Variants in PPM1L observed in about 807,000 individuals in gnomAD.
The protein encoded by PPM1L is protein phosphatase, Mg2+/Mn2+ dependent 1L.
PPM1L carries 13 observed loss-of-function variants against 31.4 expected under a neutral mutation model. The ratio of observed to expected loss-of-function variants is 0.41; its 90% CI spans 0.27 to 0.66. PPM1L has a LOEUF of 0.66. Ranked by LOEUF, PPM1L falls within the 30% of genes least tolerant of loss-of-function variation. The pLI is 0.29. For missense variants in PPM1L, 326 were observed against 453.7 expected (o/e 0.72, Z 2.56); for synonymous variants, 184 against 175.4 (o/e 1.05, Z -0.39).
intron 1 of PPM1L, among the ~76,000 whole-genome samples, chr3:160,896,873 T>A (rs1302384905): frequency 6.6e-6 from 1 of 152,144 alleles, no homozygotes. Context: ...TCAGATGGTT[T>A]AATGGCCAAG....
At chr3:160,941,970 G>A (rs1385511114) in intron 1 of PPM1L, among the ~76,000 whole-genome samples, 1 of 152,188 alleles carries the variant, frequency 6.6e-6, no homozygotes, top group Non-Finnish European at 1.5e-5. Context: ...GCTTTTCATA[G>A]CTGTGAATTT....
chr3:160,940,492 C>G (rs1379516987), intron 1 of PPM1L, among the ~76,000 whole-genome samples: 2 of 152,140 alleles, frequency 1.3e-5, no homozygotes, highest in African/African-American at 4.8e-5. Flanking sequence ...CTGTGTGCAG[C>G]CTAGGGACTT....
intron 1 of PPM1L, among the ~76,000 whole-genome samples, chr3:160,836,948 C>G (rs1195205871): frequency 6.6e-6 from 1 of 152,164 alleles, no homozygotes; most frequent in Non-Finnish European, 1.5e-5. Flanking sequence ...GCACAAATGC[C>G]TATTTCATCT....
chr3:160,855,046 A>G (rs996866071), intron 1 of PPM1L, among the ~76,000 whole-genome samples: 2 of 152,188 alleles, frequency 1.3e-5, no homozygotes, highest in Non-Finnish European at 2.9e-5. Context: ...ATGAAACAGA[A>G]TAGAGAACCC....
In PPM1L at chr3:160,785,962, C is replaced by T. The variant is rs189900262; in HGVS notation, c.399+29255C>T. On this transcript the variant is annotated intron_variant, in intron 1 of 3. Transcript: ENST00000498165. ...CCAAATTCCATTTGATAGATACTGC[C>T]AAACTCCATTTGGCAATATCTATAA... Among the ~76,000 whole-genome samples, 83 of 150,266 alleles carry T rather than the reference C, an allele frequency of 5.5e-4. No homozygotes were observed. In the East Asian group the frequency reaches 0.012, roughly 22 times the overall value.
chr3:160,832,123 C>A lies in PPM1L; in HGVS notation c.399+75416C>A, dbSNP rs141633060. Among the ~76,000 whole-genome samples the A allele has an allele frequency of 1.5e-3, 223 of 152,242 alleles. 2 individuals carry two copies. The highest frequency in any genetic ancestry group is 4.9e-3 in the African/African-American group (202 of 41,546). Reference sequence around the variant, plus strand: ...AAGATGAGTATGTGTTCATTTTATTCAGGGAGCTCACAGTTTATTAAGGAA... The same window carrying A: ...AAGATGAGTATGTGTTCATTTTATTAAGGGAGCTCACAGTTTATTAAGGAA... On this transcript the variant is annotated intron_variant, in intron 1 of 3. Transcript: ENST00000498165.
intron 1 of PPM1L, among the ~76,000 whole-genome samples, chr3:160,922,087 G>A (rs1356434476): frequency 6.6e-6 from 1 of 152,132 alleles, no homozygotes; most frequent in Non-Finnish European, 1.5e-5. Flanking sequence ...AAGGCGGGCA[G>A]ATCACGAGGT....
At chr3:161,037,011 G>A (rs1718759721) in intron 2 of PPM1L, among the ~76,000 whole-genome samples, 1 of 152,150 alleles carries the variant, frequency 6.6e-6, no homozygotes, top group African/African-American at 2.4e-5. Context: ...TCTGATCTCT[G>A]TGCTTTGCTA....
intron 1 of PPM1L, among the ~76,000 whole-genome samples, chr3:160,892,698 C>T (rs1354498641): frequency 5.9e-5 from 9 of 151,972 alleles, no homozygotes; most frequent in Non-Finnish European, 1.0e-4. Flanking sequence ...CGTTATTTGG[C>T]TCAGAATTAT....
intron 1 of PPM1L, among the ~76,000 whole-genome samples, chr3:160,841,080 G>A (rs942404274): frequency 2.0e-5 from 3 of 152,140 alleles, no homozygotes; most frequent in Non-Finnish European, 4.4e-5. Context: ...GTCCCAGTGT[G>A]GACCCAAGGC....
chr3:160,895,126 T>G (rs1713289928), intron 1 of PPM1L, among the ~76,000 whole-genome samples: 1 of 152,254 alleles, frequency 6.6e-6, no homozygotes, highest in Non-Finnish European at 1.5e-5. Flanking sequence ...CTTCCTCCTT[T>G]GGTGAGCTGA....
chr3:160,859,181 A>G (rs1055283815), intron 1 of PPM1L, among the ~76,000 whole-genome samples: 1 of 152,180 alleles, frequency 6.6e-6, no homozygotes, highest in African/African-American at 2.4e-5. Context: ...TATATGGAGG[A>G]AAGCAGACCC....
intron 2 of PPM1L, among the ~76,000 whole-genome samples, chr3:161,012,770 T>A (rs546074618): frequency 6.6e-6 from 1 of 152,234 alleles, no homozygotes; most frequent in Non-Finnish European, 1.5e-5. Flanking sequence ...TTGAGGAATT[T>A]ATCAATTTCT....
intron 2 of PPM1L, among the ~76,000 whole-genome samples, chr3:160,986,324 A>G (rs1716963411): frequency 6.6e-6 from 1 of 152,214 alleles, no homozygotes; most frequent in Admixed American, 6.5e-5. Context: ...GTGATTGCAG[A>G]GCCCAGAGGC....
chr3:161,053,214 A>C (rs569322044), intron 2 of PPM1L, among the ~76,000 whole-genome samples: 3 of 152,248 alleles, frequency 2.0e-5, no homozygotes, highest in African/African-American at 7.2e-5. Flanking sequence ...ATTATAAATT[A>C]ATTTCAGTAG....
chr3:161,039,246 C>T (rs987762120), intron 2 of PPM1L, among the ~76,000 whole-genome samples: 2 of 152,128 alleles, frequency 1.3e-5, no homozygotes, highest in Admixed American at 6.5e-5. Context: ...CTTTCCTGAG[C>T]GAGATCCAAG....
chr3:160,924,382 C>G (rs1185620895), intron 1 of PPM1L, among the ~76,000 whole-genome samples: 1 of 152,158 alleles, frequency 6.6e-6, no homozygotes, highest in African/African-American at 2.4e-5. Context: ...TGGCTGTTCT[C>G]TCTCTTTTTA....
Position 160,761,719 on chromosome 3 carries a change from G to A in PPM1L, c.399+5012G>A, listed in dbSNP as rs150338097. Among the ~76,000 whole-genome samples the A allele has an allele frequency of 8.5e-5, 13 of 152,264 alleles. No individual in the cohort carries two copies. In the East Asian group the frequency reaches 2.5e-3, roughly 29 times the overall value. On this transcript the variant is annotated intron_variant, in intron 1 of 3. Transcript: ENST00000498165. ...GCTGATAAAGACATACCCAAGGCTGGGAAATTTACAAAAGAAAGAGGTTTA... is the reference window on the plus strand; with the variant it reads ...GCTGATAAAGACATACCCAAGGCTGAGAAATTTACAAAAGAAAGAGGTTTA...
chr3:160,911,772 A>G (rs1010209684), intron 1 of PPM1L, among the ~76,000 whole-genome samples: 1 of 152,192 alleles, frequency 6.6e-6, no homozygotes, highest in Non-Finnish European at 1.5e-5. Context: ...AGTAACTTCT[A>G]GTGATGCAGA....
Sources: gnomAD v4.1 joint callset for allele counts (sites outside exome capture counted in the v4.1 genomes callset) on GRCh38, gnomAD v4.1.1 for gene constraint, MANE v1.5 for transcripts, NCBI Gene and HGNC (gene_info 2026-07-23, HGNC 2026-07-21) for gene names.